EYA1: variants seen among roughly 807,000 people sequenced by gnomAD.
EYA1 encodes the protein EYA transcriptional coactivator and phosphatase 1.
Under a neutral mutation model 82.0 loss-of-function variants are expected in EYA1, and 16 were observed. The ratio of observed to expected loss-of-function variants is 0.20; its 90% CI spans 0.13 to 0.30. EYA1 has a LOEUF of 0.30. Among genes scored for constraint, EYA1 ranks in the 10% least tolerant of loss-of-function variants. EYA1 has a pLI of 1.00. For missense variants in EYA1, 633 were observed against 730.7 expected (o/e 0.87, Z 1.54); for synonymous variants, 261 against 264.4 (o/e 0.99, Z 0.12).
chr8:71,346,455 T>TATATATA (rs1491578629), intron 3 of EYA1, among the ~76,000 whole-genome samples: 1 of 134,792 alleles, frequency 7.4e-6, no homozygotes, highest in East Asian at 2.3e-4. Context: ...TATATATATA[T>TATATATA]CTATATATAT....
intron 12 of EYA1, among the ~76,000 whole-genome samples, chr8:71,228,240 C>T (rs140060389): frequency 2.0e-5 from 3 of 152,126 alleles, no homozygotes; most frequent in Non-Finnish European, 4.4e-5. Flanking sequence ...CTCTAAGTAT[C>T]CGTGGGTCTG....
At chr8:71,342,866 T>C (rs1367693817) in intron 3 of EYA1, among the ~76,000 whole-genome samples, 1 of 152,172 alleles carries the variant, frequency 6.6e-6, no homozygotes, top group South Asian at 2.1e-4. Flanking sequence ...AAAAGTCTTA[T>C]CTGCCTTAAC....
At chr8:71,505,982 A>G (rs1035188968) in intron 2 of EYA1, among the ~76,000 whole-genome samples, 10 of 151,970 alleles carry the variant, frequency 6.6e-5, no homozygotes, top group Admixed American at 3.3e-4. Context: ...TTCTTCACAC[A>G]CTCATACTCT....
At chr8:71,513,155 C>T (rs1409496854) in intron 2 of EYA1, among the ~76,000 whole-genome samples, 2 of 152,060 alleles carry the variant, frequency 1.3e-5, no homozygotes, top group Non-Finnish European at 2.9e-5. Context: ...GCATATAGCT[C>T]TTCTTGAAAA....
At chr8:71,478,919 G>C (rs1459833226) in intron 2 of EYA1, among the ~76,000 whole-genome samples, 1 of 152,130 alleles carries the variant, frequency 6.6e-6, no homozygotes, top group Non-Finnish European at 1.5e-5. Flanking sequence ...CATGCATCAG[G>C]TACTGCAGAG....
intron 2 of EYA1, among the ~76,000 whole-genome samples, chr8:71,475,269 C>T (rs527415395): frequency 6.6e-5 from 10 of 152,218 alleles, no homozygotes; most frequent in Admixed American, 3.9e-4. Flanking sequence ...GATAAATATA[C>T]GTGCATGAAA....
chr8:71,300,302 G>A lies in EYA1; in HGVS notation c.557-582C>T, dbSNP rs141238128. On this transcript the variant is annotated intron_variant, in intron 7 of 17. Transcript: ENST00000340726. ...ACATATGCTGTCAAGATAATGTTCT[G>A]TCTGTTGAATGTCCACATTGTTAAA... is the stretch of plus-strand genomic sequence containing the variant. Among the ~76,000 whole-genome samples the A allele has an allele frequency of 5.6e-3, 859 of 152,224 alleles. 12 individuals are homozygous for A. Among genetic ancestry groups the A allele is most frequent in the African/African-American group, 0.02 (837 of 41,552 alleles).
chr8:71,271,623 T>G (rs1475115981), intron 10 of EYA1, 135 bp downstream of exon 10: 2 of 936,420 alleles, frequency 2.1e-6, no homozygotes, highest in African/African-American at 3.3e-5. Flanking sequence ...CTTTATCTAT[T>G]GTTAATATAA....
At chr8:71,536,723 G>A (rs1034044661) in intron 1 of EYA1, among the ~76,000 whole-genome samples, 3 of 152,100 alleles carry the variant, frequency 2.0e-5, no homozygotes, top group Non-Finnish European at 4.4e-5. Context: ...GTATTACCAC[G>A]ATAAAATTAC....
At chr8:71,545,782 G>A (rs1018271258) in intron 1 of EYA1, among the ~76,000 whole-genome samples, 9 of 151,738 alleles carry the variant, frequency 5.9e-5, no homozygotes, top group Admixed American at 4.6e-4. Context: ...GGATGGTCTC[G>A]ATCTCCTGAC....
At chr8:71,300,807 T>C (rs984504659) in intron 7 of EYA1, among the ~76,000 whole-genome samples, 5 of 152,042 alleles carry the variant, frequency 3.3e-5, no homozygotes, top group Non-Finnish European at 7.4e-5. Context: ...ATGAGAAAAA[T>C]TTTCATATTA....
At chr8:71,388,640 A>G (rs1829103241) in intron 2 of EYA1, among the ~76,000 whole-genome samples, 1 of 152,126 alleles carries the variant, frequency 6.6e-6, no homozygotes. Flanking sequence ...TCCATCTTCT[A>G]ATTAATGCCA....
At chr8:71,518,112 C>T (rs1314851042) in intron 2 of EYA1, among the ~76,000 whole-genome samples, 1 of 151,966 alleles carries the variant, frequency 6.6e-6, no homozygotes, top group Non-Finnish European at 1.5e-5. Context: ...CTTCCCATGG[C>T]TCAATGCATT....
At chr8:71,360,666 C>T (rs949535989) in intron 1 of EYA1, among the ~76,000 whole-genome samples, 5 of 152,066 alleles carry the variant, frequency 3.3e-5, no homozygotes, top group African/African-American at 1.2e-4. Context: ...GTCCTCAGAC[C>T]CCAGACTGTG....
chr8:71,414,914 G>A (rs975596445), intron 2 of EYA1, among the ~76,000 whole-genome samples: 3 of 152,146 alleles, frequency 2.0e-5, no homozygotes, highest in Non-Finnish European at 4.4e-5. Flanking sequence ...GAAATCTTTG[G>A]TTCTAATTGA....
intron 1 of EYA1, among the ~76,000 whole-genome samples, chr8:71,539,490 G>T (rs542354994): frequency 2.7e-4 from 41 of 152,304 alleles, no homozygotes; most frequent in African/African-American, 7.5e-4. Flanking sequence ...GAATGGGCAG[G>T]TGGCATGAGG....
intron 2 of EYA1, among the ~76,000 whole-genome samples, chr8:71,413,667 T>A (rs529876614): frequency 3.3e-5 from 5 of 152,218 alleles, no homozygotes; most frequent in African/African-American, 4.8e-5. Flanking sequence ...AAATAAGGTA[T>A]CCCAATTGTG....
intron 11 of EYA1, among the ~76,000 whole-genome samples, chr8:71,247,318 G>C (rs1813225922): frequency 1.3e-5 from 2 of 152,176 alleles, no homozygotes; most frequent in South Asian, 4.1e-4. Context: ...ACTCACCTCA[G>C]TTCCTCTCCT....
chr8:71,528,754 C>T, intron 2 of EYA1, among the ~76,000 whole-genome samples: 1 of 152,222 alleles, frequency 6.6e-6, no homozygotes, highest in East Asian at 1.9e-4. Flanking sequence ...TGAATCTGCG[C>T]TCTCATTCAC....
Sources: allele counts gnomAD v4.1 joint callset (sites outside exome capture counted in the v4.1 genomes callset), GRCh38; gene constraint gnomAD v4.1.1; transcripts MANE v1.5; gene names NCBI Gene and HGNC (gene_info 2026-07-23, HGNC 2026-07-21).